The following SLC24A2 variants were observed in gnomAD, a reference collection of about 807,000 sequenced individuals.
SLC24A2 encodes the protein solute carrier family 24 member 2.
In SLC24A2, 36 loss-of-function variants were observed where a neutral mutation model predicts 62.0. That is an observed-to-expected ratio of 0.58 (90% CI 0.44 to 0.77). The LOEUF is 0.77. SLC24A2 is among the 30% of genes least tolerant of loss of function. The probability of loss-of-function intolerance (pLI) is 0.00; values close to 1 mark genes in which losing one functional copy is unlikely to be tolerated. For missense variants in SLC24A2, 846 were observed against 817.9 expected, an observed-to-expected ratio of 1.03 and a Z score of -0.42; for synonymous variants, 358 against 294.0, an observed-to-expected ratio of 1.22 and a Z score of -2.23.
chr9:20,080,458 C>T, the SLC24A2 span, among the ~76,000 whole-genome samples: 1 of 152,130 alleles, frequency 6.6e-6, no homozygotes, highest in Non-Finnish European at 1.5e-5. Context: ...CTTCCTTACA[C>T]CTTATACAAA....
At chr9:19,671,723 C>T (rs564391636) in intron 2 of SLC24A2, among the ~76,000 whole-genome samples, 5 of 152,156 alleles carry the variant, frequency 3.3e-5, no homozygotes, top group South Asian at 2.1e-4. Flanking sequence ...TCTTAAGATA[C>T]GTCCCTTCTA....
the SLC24A2 span, among the ~76,000 whole-genome samples, chr9:20,121,897 A>G: frequency 6.6e-6 from 1 of 152,192 alleles, no homozygotes; most frequent in East Asian, 1.9e-4. Context: ...ATCCTTATAC[A>G]TCTAGAGCTT....
Position 19,639,108 on chromosome 9 carries a change from G to T in SLC24A2, c.931-16809C>A, listed in dbSNP as rs1170369747. 3.3e-5 allele frequency among the ~76,000 whole-genome samples: 5 copies of T among 151,272 alleles called. No homozygotes were observed. The South Asian group carries it at 6.3e-4, about 19-fold the overall frequency. Reference sequence around the variant, plus strand: ...GATCGCTATTCTGCATTTGCAAGTGGTTTTTTCCCCCAACAACAACAAAAA... The same window carrying T: ...GATCGCTATTCTGCATTTGCAAGTGTTTTTTTCCCCCAACAACAACAAAAA... On this transcript the variant is annotated intron_variant, in intron 2 of 10. Coordinates refer to ENST00000341998, the MANE Select transcript of SLC24A2 (RefSeq NM_020344.4).
chr9:20,254,029 A>G, the SLC24A2 span, among the ~76,000 whole-genome samples: 7 of 152,208 alleles, frequency 4.6e-5, no homozygotes, highest in African/African-American at 1.7e-4. Context: ...AGACAAAGAC[A>G]GGCAGGGAGT....
intron 2 of SLC24A2, among the ~76,000 whole-genome samples, chr9:19,668,364 C>T (rs1819317750): frequency 6.6e-6 from 1 of 152,198 alleles, no homozygotes; most frequent in Non-Finnish European, 1.5e-5. Flanking sequence ...TGAAATTGCA[C>T]AGCCCAGATG....
At chr9:19,567,204 A>C (rs985670976) in intron 7 of SLC24A2, among the ~76,000 whole-genome samples, 2 of 151,166 alleles carry the variant, frequency 1.3e-5, no homozygotes, top group Non-Finnish European at 2.9e-5. Context: ...TGCTTTTTGG[A>C]AACAAAAACC....
At chr9:20,060,015 A>T in the SLC24A2 span, among the ~76,000 whole-genome samples, 1 of 152,148 alleles carries the variant, frequency 6.6e-6, no homozygotes, top group Non-Finnish European at 1.5e-5. Flanking sequence ...ATAAGAGAAC[A>T]CTATGAACAA....
chr9:20,101,197 T>C, the SLC24A2 span, among the ~76,000 whole-genome samples: 4 of 152,252 alleles, frequency 2.6e-5, no homozygotes, highest in African/African-American at 4.8e-5. Flanking sequence ...CTCATCTGCT[T>C]TTCTGTAAAT....
At chr9:20,195,659 C>G in the SLC24A2 span, among the ~76,000 whole-genome samples, 1 of 152,112 alleles carries the variant, frequency 6.6e-6, no homozygotes, top group African/African-American at 2.4e-5. Flanking sequence ...TGTTTTCCAG[C>G]CTGCCTATGA....
the SLC24A2 span, among the ~76,000 whole-genome samples, chr9:20,169,230 G>A: frequency 6.6e-6 from 1 of 151,970 alleles, no homozygotes; most frequent in African/African-American, 2.4e-5. Flanking sequence ...CAGAGTTTAT[G>A]CTGGGATCAT....
chr9:19,972,655 A>C, the SLC24A2 span, among the ~76,000 whole-genome samples: 8 of 152,140 alleles, frequency 5.3e-5, no homozygotes, highest in Non-Finnish European at 4.4e-5. Flanking sequence ...GAATCTAATA[A>C]TCTAAAAAAA....
At chr9:20,006,998 C>G in the SLC24A2 span, among the ~76,000 whole-genome samples, 4 of 152,136 alleles carry the variant, frequency 2.6e-5, no homozygotes, top group South Asian at 8.3e-4. Context: ...TTTACTACAT[C>G]ACTGTTTGTG....
the SLC24A2 span, among the ~76,000 whole-genome samples, chr9:20,230,745 C>T: frequency 6.6e-6 from 1 of 152,108 alleles, no homozygotes; most frequent in African/African-American, 2.4e-5. Context: ...TAATGAGATC[C>T]CATTTGTCAA....
At chr9:20,174,103 G>A in the SLC24A2 span, among the ~76,000 whole-genome samples, 1 of 151,958 alleles carries the variant, frequency 6.6e-6, no homozygotes, top group Non-Finnish European at 1.5e-5. Flanking sequence ...GTGAGGAAAG[G>A]ACATCCTATT....
chr9:20,242,624 G>A, the SLC24A2 span, among the ~76,000 whole-genome samples: 5 of 152,124 alleles, frequency 3.3e-5, no homozygotes, highest in African/African-American at 1.2e-4. Context: ...TGGATGTGTC[G>A]GATTTTATCT....
chr9:19,566,663 A>ATGTT (rs1199990238), intron 7 of SLC24A2, among the ~76,000 whole-genome samples: 3 of 152,188 alleles, frequency 2.0e-5, no homozygotes, highest in African/African-American at 7.2e-5. Context: ...ACATGCACGT[A>ATGTT]TGTTTATTGT....
At chr9:19,910,908 TTTTA>T in the SLC24A2 span, among the ~76,000 whole-genome samples, 1 of 151,158 alleles carries the variant, frequency 6.6e-6, no homozygotes, top group South Asian at 2.1e-4. Context: ...TTTTCTTTTC[TTTTA>T]TTTTTTATTT....
intron 10 of SLC24A2, among the ~76,000 whole-genome samples, chr9:19,520,103 G>C (rs1172726423): frequency 1.3e-5 from 2 of 152,192 alleles, no homozygotes; most frequent in Non-Finnish European, 1.5e-5. Context: ...GTGGAAGACA[G>C]AACAATATTT....
intron 2 of SLC24A2, among the ~76,000 whole-genome samples, chr9:19,629,208 T>C (rs1225015608): frequency 5.9e-5 from 9 of 152,272 alleles, no homozygotes; most frequent in African/African-American, 2.2e-4. Flanking sequence ...ACAGTTGGGC[T>C]CCAGAGCCTT....
Sources: gnomAD v4.1 joint callset for allele counts (sites outside exome capture counted in the v4.1 genomes callset) on GRCh38, gnomAD v4.1.1 for gene constraint, MANE v1.5 for transcripts, NCBI Gene and HGNC (gene_info 2026-07-23, HGNC 2026-07-21) for gene names.